ATP6V0E1: variants seen among roughly 807,000 people sequenced by gnomAD.
ATP6V0E1 encodes ATPase H+ transporting V0 subunit e1.
Under a neutral mutation model 11.6 loss-of-function variants are expected in ATP6V0E1, and 4 were observed. That is an observed-to-expected ratio of 0.35 (90% CI 0.17 to 0.79). The LOEUF (loss-of-function observed/expected upper bound fraction) is 0.79. ATP6V0E1 is among the 30% of genes least tolerant of loss of function. ATP6V0E1 has a pLI of 0.54. For synonymous variants in ATP6V0E1, 36 were observed against 34.8 expected (o/e 1.04, Z -0.13); for missense variants, 105 against 100.0 (o/e 1.05, Z -0.21).
chr5:172,988,273 G>A (rs984217960), intron 1 of ATP6V0E1, among the ~76,000 whole-genome samples: 3 of 151,994 alleles, frequency 2.0e-5, no homozygotes, highest in South Asian at 2.1e-4. Flanking sequence ...GTATTATCTG[G>A]GTCCAGTTCA....
chr5:173,007,340 G>A (rs1756244320), intron 2 of ATP6V0E1, among the ~76,000 whole-genome samples: 1 of 152,130 alleles, frequency 6.6e-6, no homozygotes, highest in African/African-American at 2.4e-5. Context: ...TCAGAATTCA[G>A]TTCTATGTGC....
chr5:173,016,229 C>G (rs1756398000), intron 2 of ATP6V0E1, among the ~76,000 whole-genome samples: 1 of 152,112 alleles, frequency 6.6e-6, no homozygotes, highest in Admixed American at 6.6e-5. Flanking sequence ...CCTGTGAGAT[C>G]TGATGCTGAT....
Position 173,024,396 on chromosome 5 carries a change from G to T in ATP6V0E1, c.*36+4029G>T, listed in dbSNP as rs552795152. Among the ~76,000 whole-genome samples the T allele has an allele frequency of 3.3e-5, 5 of 151,632 alleles. No individual in the cohort carries two copies. The East Asian group carries it at 5.8e-4, about 18-fold the overall frequency. On this transcript the variant is annotated intron_variant, in intron 3 of 3. Coordinates refer to ENST00000519374, the MANE Select transcript of ATP6V0E1 (RefSeq NM_003945.4). The stretch of plus-strand genomic sequence containing the variant: ...TTGTGTTTTGTTGTTGTTGTTTTTT[G>T]TTGTTGTTGTTTTTTGTCTGTGAGA...
chr5:173,001,530 C>T (rs1251692198), intron 2 of ATP6V0E1, among the ~76,000 whole-genome samples: 1 of 152,124 alleles, frequency 6.6e-6, no homozygotes. Flanking sequence ...GGTCCTGGCT[C>T]TAGAGCTAGT....
At chr5:173,024,053 C>T (rs1334838997) in intron 3 of ATP6V0E1, among the ~76,000 whole-genome samples, 2 of 151,744 alleles carry the variant, frequency 1.3e-5, no homozygotes, top group African/African-American at 4.8e-5. Context: ...AAAAAATTAG[C>T]CAGGCATGGT....
At chr5:172,992,165 C>T (rs958512720) in intron 1 of ATP6V0E1, among the ~76,000 whole-genome samples, 1 of 152,076 alleles carries the variant, frequency 6.6e-6, no homozygotes. Flanking sequence ...ATTCTCCTGC[C>T]TCAGCCTCCC....
intron 1 of ATP6V0E1, chr5:172,987,161 G>A: frequency 5.0e-6 from 1 of 200,056 alleles, no homozygotes; most frequent in Non-Finnish European, 1.0e-5. Context: ...TGGGGAAGGG[G>A]CCCCTGGTCA....
chr5:172,998,812 T>C (rs1756111311), intron 2 of ATP6V0E1, among the ~76,000 whole-genome samples: 1 of 152,042 alleles, frequency 6.6e-6, no homozygotes, highest in Admixed American at 6.6e-5. Context: ...ATCTCTGCAA[T>C]GTGAGCAGTA....
intron 3 of ATP6V0E1, chr5:173,020,648 A>C (rs1756464876): frequency 1.9e-6 from 1 of 528,178 alleles, no homozygotes; most frequent in Admixed American, 2.0e-5. Context: ...AGATCAAAAA[A>C]GTAACTGTTT....
chr5:173,005,731 C>T (rs1343337555), intron 2 of ATP6V0E1, among the ~76,000 whole-genome samples: 1 of 152,102 alleles, frequency 6.6e-6, no homozygotes, highest in African/African-American at 2.4e-5. Flanking sequence ...CTAGTGTAAG[C>T]ATTTAATACA....
chr5:173,030,410 A>G (rs1243004853), intron 3 of ATP6V0E1, among the ~76,000 whole-genome samples: 2 of 143,502 alleles, frequency 1.4e-5, no homozygotes, highest in African/African-American at 5.2e-5. Flanking sequence ...TAGACTTAAT[A>G]TTTTTATGTT....
At chr5:173,034,252 T>C (rs1756706989) in intron 3 of ATP6V0E1, 147 bp from the exon 4 acceptor site, 1 of 649,822 alleles carries the variant, frequency 1.5e-6, no homozygotes, top group Admixed American at 2.2e-5. Flanking sequence ...TGGCCAAACT[T>C]GCACCAAGTT....
chr5:172,983,775 A>C lies in ATP6V0E1; in HGVS notation c.-86A>C. On this transcript the variant is annotated 5_prime_UTR_variant, in exon 1 of 4. Coordinates refer to ENST00000519374, the MANE Select transcript of ATP6V0E1 (RefSeq NM_003945.4). ...GGGGCGCGGGAGGCGGGGCTTGCACACGCTGGTCACGCGGTCAGCTATTGA... is the reference window on the plus strand; with the variant it reads ...GGGGCGCGGGAGGCGGGGCTTGCACCCGCTGGTCACGCGGTCAGCTATTGA... 3 of 1,355,138 alleles carry C rather than the reference A, an allele frequency of 2.2e-6. No homozygotes were observed. The South Asian group carries it at 3.5e-5, about 16-fold the overall frequency. The allele number at this position is 1,355,138 out of a possible 1,614,324, so 83.9% of individuals were successfully genotyped here.
At chr5:172,992,016 TTCTG>T (rs1378609997) in intron 1 of ATP6V0E1, among the ~76,000 whole-genome samples, 3 of 135,904 alleles carry the variant, frequency 2.2e-5, no homozygotes, top group Admixed American at 1.5e-4. Flanking sequence ...CTGTCTGTCT[TTCTG>T]TCTTTCTTTC....
At position 173,035,221 on chromosome 5, in the gene ATP6V0E1, G is replaced by C. The variant is rs1393404325; in HGVS notation, c.*859G>C. The C allele has an allele frequency of 6.6e-6, 1 of 152,084 alleles. No homozygotes were observed. Among genetic ancestry groups the C allele is most frequent in the Non-Finnish European group, 1.5e-5 (1 of 68,038 alleles). 9.4% of individuals were successfully genotyped at this position (152,084 alleles called of 1,614,324 possible). A position where few individuals can be genotyped will look rare whatever the true frequency, so the allele number is the denominator to read the frequency against. ...GCATTGTCCTTAAAGATGGTACCAT[G>C]GTGAGCAGTTCAAGGTTACCTGCCA... On this transcript the variant is annotated 3_prime_UTR_variant, in exon 4 of 4. Transcript: ENST00000519374.
chr5:173,016,745 G>T (rs1756406310), intron 2 of ATP6V0E1, among the ~76,000 whole-genome samples: 1 of 152,194 alleles, frequency 6.6e-6, no homozygotes, highest in Non-Finnish European at 1.5e-5. Flanking sequence ...AGCGTCAACT[G>T]CAGTCACAGA....
intron 1 of ATP6V0E1, among the ~76,000 whole-genome samples, chr5:172,985,148 G>A (rs1436793050): frequency 2.0e-5 from 3 of 151,626 alleles, no homozygotes; most frequent in South Asian, 2.1e-4. Context: ...GGGAGGCTGA[G>A]GCAGGAGAAT....
In ATP6V0E1 at chr5:173,010,301, G is replaced by A. The variant is rs1756299876; in HGVS notation, c.153-9937G>A. On this transcript the variant is annotated intron_variant, in intron 2 of 3. Coordinates refer to ENST00000519374, the MANE Select transcript of ATP6V0E1 (RefSeq NM_003945.4). The stretch of plus-strand genomic sequence containing the variant: ...AAGTAAATAGGTTGTATTTCATTCT[G>A]TGGCTTGAATACATTTTTAGCTGTC... 2.0e-5 allele frequency among the ~76,000 whole-genome samples: 3 copies of A among 152,318 alleles called. No individual in the cohort carries two copies. In the South Asian group the frequency reaches 6.2e-4, roughly 32 times the overall value.
At chr5:173,021,378 ATG>A (rs1439264499) in intron 3 of ATP6V0E1, among the ~76,000 whole-genome samples, 2 of 151,922 alleles carry the variant, frequency 1.3e-5, no homozygotes, top group Non-Finnish European at 2.9e-5. Flanking sequence ...ATGGCGGAGG[ATG>A]AAAGGCAGTT....
Sources: allele counts gnomAD v4.1 joint callset (sites outside exome capture counted in the v4.1 genomes callset), GRCh38; gene constraint gnomAD v4.1.1; transcripts MANE v1.5; gene names NCBI Gene and HGNC (gene_info 2026-07-23, HGNC 2026-07-21).